The following CCDC85C variants were observed in gnomAD, a reference collection of about 807,000 sequenced individuals.
CCDC85C encodes the protein coiled-coil domain-containing protein 85C.
In CCDC85C, 18 loss-of-function variants were observed where a neutral mutation model predicts 38.3. That is an observed-to-expected ratio of 0.47 (90% CI 0.33 to 0.70). The LOEUF (loss-of-function observed/expected upper bound fraction) is 0.70. CCDC85C is among the 30% of genes least tolerant of loss of function. CCDC85C has a pLI of 0.03. For synonymous variants in CCDC85C, 264 were observed against 293.8 expected (o/e 0.90, Z 1.04); for missense variants, 566 against 621.2 (o/e 0.91, Z 0.94).
intron 1 of CCDC85C, among the ~76,000 whole-genome samples, chr14:99,600,220 G>A (rs2055184866): frequency 6.6e-6 from 1 of 152,360 alleles, no homozygotes; most frequent in African/African-American, 2.4e-5. Flanking sequence ...CCTAACAACA[G>A]GAGAAACCTA....
At chr14:99,519,056 A>AGTGTTAGGTGGCCCCATGATGCAGGC (rs1897268439) in intron 3 of CCDC85C, among the ~76,000 whole-genome samples, 1 of 141,482 alleles carries the variant, frequency 7.1e-6, no homozygotes, top group Non-Finnish European at 1.5e-5. Flanking sequence ...TCCTTGCCAC[A>AGTGTTAGGTGGCCCCATGATGCAGGC]CTGCTCCCAG....
At chr14:99,552,222 G>C (rs1897925096) in intron 1 of CCDC85C, among the ~76,000 whole-genome samples, 1 of 152,218 alleles carries the variant, frequency 6.6e-6, no homozygotes, top group African/African-American at 2.4e-5. Flanking sequence ...CTGCACCACT[G>C]GGGAGGAGGT....
rs796727786 is a variant in CCDC85C, at chr14:99,590,978, C to T, written c.793+12189G>A. ...CAGAGTAATGGCCGGCAGCTGGACA[C>T]GGCGGCTCATTTAACCCCAAGAGGC... On this transcript the variant is annotated intron_variant, in intron 1 of 5. Coordinates refer to ENST00000380243, the MANE Select transcript of CCDC85C (RefSeq NM_001144995.2). Among the ~76,000 whole-genome samples the T allele has an allele frequency of 1.2e-3, 180 of 152,282 alleles. 1 individual carries two copies. The highest frequency in any genetic ancestry group is 4.0e-3 in the African/African-American group (167 of 41,562).
chr14:99,523,794 G>T (rs147089274), intron 2 of CCDC85C, among the ~76,000 whole-genome samples: 3 of 152,288 alleles, frequency 2.0e-5, no homozygotes, highest in Admixed American at 6.5e-5. Flanking sequence ...CAGCACGGGG[G>T]CCTTGGGCAC....
In CCDC85C at chr14:99,507,078, C is replaced by T. The variant is rs1324333622; in HGVS notation, c.*8168G>A. 1.9e-6 allele frequency: 3 copies of T among 1,596,180 alleles called. No homozygotes were observed. Among genetic ancestry groups the T allele is most frequent in the Non-Finnish European group, 1.7e-6 (2 of 1,163,810 alleles). On this transcript the variant is annotated 3_prime_UTR_variant, in exon 6 of 6. Transcript: ENST00000380243. ...TCTAATCTGCTTTTTCTTTGTAGAA[C>T]CACCACCACCTAAAATCCCCAAAAT...
intron 1 of CCDC85C, among the ~76,000 whole-genome samples, chr14:99,551,681 GGTGA>G (rs1897913507): frequency 6.6e-6 from 1 of 151,172 alleles, no homozygotes; most frequent in Non-Finnish European, 1.5e-5. Context: ...TGTGCAGGTG[GGTGA>G]GAGGTGAGTG....
rs543074446 is a variant in CCDC85C at position 99,545,346 on chromosome 14, C to T, written c.794-9258G>A. On this transcript the variant is annotated intron_variant, in intron 1 of 5. Coordinates refer to ENST00000380243, the MANE Select transcript of CCDC85C (RefSeq NM_001144995.2). The surrounding 1 kb of genome is among the most constrained non-coding windows in gnomAD (Gnocchi z 4.7). ...GGCAGCTGAATGGAAAGCCCCGCTC[C>T]GGCTCAGTTCATCTAGAATGTGCCC... 3.3e-5 allele frequency among the ~76,000 whole-genome samples: 5 copies of T among 152,292 alleles called. No individual in the cohort carries two copies. Among genetic ancestry groups the T allele is most frequent in the African/African-American group, 7.2e-5 (3 of 41,558 alleles).
rs1255980552 is a variant in CCDC85C at position 99,511,942 on chromosome 14, G to A, written c.*3304C>T. 6.6e-6 allele frequency: 1 copy of A among 152,264 alleles called. No individual in the cohort carries two copies. The highest frequency in any genetic ancestry group is 2.4e-5 in the African/African-American group (1 of 41,446). The allele number at this position is 152,264 out of a possible 1,614,324, so 9.4% of individuals were successfully genotyped here. A position where few individuals can be genotyped will look rare whatever the true frequency, so the allele number is the denominator to read the frequency against. On this transcript the variant is annotated 3_prime_UTR_variant, in exon 6 of 6. Coordinates refer to ENST00000380243, the MANE Select transcript of CCDC85C (RefSeq NM_001144995.2). ...TGTCTGTGGAAGGGGCCCCGACTGA[G>A]CCCCCATCTGCGGTGCTTGAGGGGC...
At chr14:99,547,984 C>T (rs1390759416) in intron 1 of CCDC85C, among the ~76,000 whole-genome samples, 2 of 151,866 alleles carry the variant, frequency 1.3e-5, no homozygotes, top group African/African-American at 2.4e-5. Context: ...ACAAAGAGAA[C>T]ATTTTAAAGA....
Position 99,522,157 on chromosome 14 carries a change from G to A in CCDC85C, c.951C>T (p.Pro317=), listed in dbSNP as rs1270902067. Residue 317 remains proline, a synonymous_variant, in exon 3 of 6, where the codon CCC becomes CCT. Coordinates refer to ENST00000380243, the MANE Select transcript of CCDC85C (RefSeq NM_001144995.2). ...CGTTCTGCAGGGAGTCCTGGTAGGA[G>A]GGCGGCAGGGACGCAAGCTGGGACT... is the stretch of plus-strand genomic sequence containing the variant. ...HSESQLASLP[P]SYQDSLQNGP... The A allele has an allele frequency of 2.6e-6, 4 of 1,551,110 alleles. No individual in the cohort carries two copies. The highest frequency in any genetic ancestry group is 3.5e-6 in the Non-Finnish European group (4 of 1,146,854).
At chr14:99,579,724 G>T (rs1281496580) in intron 1 of CCDC85C, among the ~76,000 whole-genome samples, 1 of 152,120 alleles carries the variant, frequency 6.6e-6, no homozygotes, top group South Asian at 2.1e-4. Context: ...AGGCCTGGGG[G>T]AGTCCAGGGC....
At chr14:99,537,127 C>T (rs1467938320) in intron 1 of CCDC85C, among the ~76,000 whole-genome samples, 3 of 152,176 alleles carry the variant, frequency 2.0e-5, no homozygotes, top group Non-Finnish European at 4.4e-5. Context: ...TAACATCTCT[C>T]GCAGAGATCA....
At chr14:99,565,273 C>T (rs1459673853) in intron 1 of CCDC85C, among the ~76,000 whole-genome samples, 1 of 152,218 alleles carries the variant, frequency 6.6e-6, no homozygotes, top group African/African-American at 2.4e-5. Context: ...TCCTCCTCCA[C>T]CACCCCTGCG....
At position 99,502,069 on chromosome 14, in the gene CCDC85C, GTTTA is replaced by G. The variant is rs1896844360; in HGVS notation, c.*13173_*13176del. 3 of 966,018 alleles carry G rather than the reference GTTTA, an allele frequency of 3.1e-6. No individual in the cohort carries two copies. The highest frequency in any genetic ancestry group is 1.7e-5 in the African/African-American group (1 of 59,558). The allele number at this position is 966,018 out of a possible 1,614,324, so 59.8% of individuals were successfully genotyped here. On this transcript the variant is annotated 3_prime_UTR_variant, in exon 6 of 6. Transcript: ENST00000380243. Reference sequence around the variant, plus strand: ...TACCTTTAGAAGAGTAAAGACTTGAGTTTATTTATTTATAGTACTTTAATTAAAT... The same window carrying G: ...TACCTTTAGAAGAGTAAAGACTTGAGTTTATTTATAGTACTTTAATTAAAT...
intron 1 of CCDC85C, among the ~76,000 whole-genome samples, chr14:99,564,462 C>T (rs117618106): frequency 0.011 from 1,718 of 152,360 alleles, 15 homozygotes; most frequent in Non-Finnish European, 0.018. Flanking sequence ...TCTGAAGCCT[C>T]CTCCTCCATG....
chr14:99,531,156 G>A (rs1346149843), intron 2 of CCDC85C, among the ~76,000 whole-genome samples: 1 of 152,096 alleles, frequency 6.6e-6, no homozygotes, highest in African/African-American at 2.4e-5. Flanking sequence ...GGGGGAAGAG[G>A]GGAGAGGAGG....
chr14:99,578,167 TC>T (rs1314838365), intron 1 of CCDC85C, among the ~76,000 whole-genome samples: 1 of 131,878 alleles, frequency 7.6e-6, no homozygotes, highest in Non-Finnish European at 1.5e-5. Flanking sequence ...CCGTCCTGTA[TC>T]CCCCATCAGT....
chr14:99,540,809 G>T (rs1016516225), intron 1 of CCDC85C, among the ~76,000 whole-genome samples: 1 of 152,220 alleles, frequency 6.6e-6, no homozygotes, highest in Non-Finnish European at 1.5e-5. Flanking sequence ...CCATGAGGAG[G>T]GGGTGGGGGA....
rs945836139 is a variant in CCDC85C, at chr14:99,509,407, G to A, written c.*5839C>T. On this transcript the variant is annotated 3_prime_UTR_variant, in exon 6 of 6. Coordinates refer to ENST00000380243, the MANE Select transcript of CCDC85C (RefSeq NM_001144995.2). Reference sequence around the variant, plus strand: ...GGGGGCGTGAGGGCTCATGGGTTGGGAGGCGCTGTGGGAGGGGCCTGAGGC... The same window carrying A: ...GGGGGCGTGAGGGCTCATGGGTTGGAAGGCGCTGTGGGAGGGGCCTGAGGC... 3.9e-5 allele frequency: 6 copies of A among 152,346 alleles called. No homozygotes were observed. Among genetic ancestry groups the A allele is most frequent in the African/African-American group, 1.2e-4 (5 of 41,446 alleles). 9.4% of individuals were successfully genotyped at this position (152,346 alleles called of 1,614,324 possible). A position where few individuals can be genotyped will look rare whatever the true frequency, so the allele number is the denominator to read the frequency against.
Sources: gnomAD v4.1 joint callset for allele counts (sites outside exome capture counted in the v4.1 genomes callset) on GRCh38, gnomAD v4.1.1 for gene constraint, Gnocchi (gnomAD v3.1) non-coding constraint, MANE v1.5 for transcripts, NCBI Gene and HGNC (gene_info 2026-07-23, HGNC 2026-07-21) for gene names.